The following RNF157 variants were observed in gnomAD, a reference collection of about 807,000 sequenced individuals.
RNF157 encodes the protein E3 ubiquitin ligase RNF157.
Under a neutral mutation model 88.3 loss-of-function variants are expected in RNF157, and 55 were observed. That is an observed-to-expected ratio of 0.62 (90% confidence interval 0.50 to 0.78). The LOEUF is 0.78. Among genes scored for constraint, RNF157 ranks in the 30% least tolerant of loss-of-function variants. The pLI, the probability that RNF157 is intolerant of heterozygous loss-of-function variation, is 0.00. For missense variants in RNF157, 788 were observed against 860.8 expected (o/e 0.92, Z 1.06); for synonymous variants, 334 against 341.2 (o/e 0.98, Z 0.23).
At chr17:76,192,395 C>T in intron 2 of RNF157, among the ~76,000 whole-genome samples, 1 of 152,180 alleles carries the variant, frequency 6.6e-6, no homozygotes, top group East Asian at 1.9e-4. Flanking sequence ...ATGTCCAAGT[C>T]TGATCTTCTC....
intron 1 of RNF157, among the ~76,000 whole-genome samples, chr17:76,220,741 C>T (rs1444471398): frequency 1.3e-5 from 2 of 151,976 alleles, no homozygotes; most frequent in Non-Finnish European, 1.5e-5. Context: ...GGGTGGATCA[C>T]GAGGTCAGGA....
intron 2 of RNF157, among the ~76,000 whole-genome samples, chr17:76,192,558 ATGGTGACTC>A (rs1568052422): frequency 9.2e-5 from 14 of 152,214 alleles, no homozygotes; most frequent in African/African-American, 2.9e-4. Flanking sequence ...GCATATGCCC[ATGGTGACTC>A]TTTAGATTTT....
chr17:76,197,012 A>G (rs1369781108), intron 2 of RNF157, among the ~76,000 whole-genome samples: 2 of 152,192 alleles, frequency 1.3e-5, no homozygotes, highest in East Asian at 3.8e-4. Context: ...AACAGCTTTC[A>G]CAAAGATCTC....
At chr17:76,191,123 G>C (rs991785797) in intron 2 of RNF157, among the ~76,000 whole-genome samples, 1 of 152,044 alleles carries the variant, frequency 6.6e-6, no homozygotes, top group African/African-American at 2.4e-5. Context: ...TATGGCTAAG[G>C]ACTACATTCT....
chr17:76,147,782 T>C (rs2068607835), intron 18 of RNF157, among the ~76,000 whole-genome samples: 2 of 152,234 alleles, frequency 1.3e-5, no homozygotes, highest in South Asian at 2.1e-4. Context: ...TGCCGCCATT[T>C]TGTCTGGCTG....
At chr17:76,220,098 C>T (rs1427820381) in intron 1 of RNF157, among the ~76,000 whole-genome samples, 3 of 152,016 alleles carry the variant, frequency 2.0e-5, no homozygotes, top group East Asian at 1.9e-4. Flanking sequence ...GAGGGGGTGC[C>T]GCTAGCATCC....
Position 76,155,732 on chromosome 17 carries a change from G to A in RNF157, c.1528C>T (p.Pro510Ser). 1.3e-6 allele frequency: 2 copies of A among 1,556,300 alleles called. No individual in the cohort carries two copies. The highest frequency in any genetic ancestry group is 1.7e-6 in the Non-Finnish European group (2 of 1,150,978). ...LSSTISSPEGPASSSLAQSVM... is the reference protein window; with the variant it reads ...LSSTISSPEGSASSSLAQSVM... ...GACTGGGCCAAGCTGCTGCTGGCAG[G>A]GCCTTTGGAGACAGGGGATGGGGAA... The change falls in exon 15 of 19, where the codon CCT becomes TCT. Residue 510 changes from proline (P) to serine (S), a missense_variant and splice_region_variant. Pro to Ser is a moderately conservative substitution (Grantham distance 74, BLOSUM62 -1). Transcript: ENST00000269391.
chr17:76,152,467 T>C lies in RNF157; in HGVS notation c.1811-2A>G, dbSNP rs199996462. 360 of 1,595,040 alleles carry C rather than the reference T, an allele frequency of 2.3e-4. No individual in the cohort carries two copies. Among genetic ancestry groups the C allele is most frequent in the Non-Finnish European group, 3.0e-4 (350 of 1,162,736 alleles). On this transcript the variant is annotated splice_acceptor_variant, in intron 17 of 18. Transcript: ENST00000269391. LOFTEE classifies it high-confidence loss of function. ...CTAGAAATGCGCACGTCCTCTGGCC[T>C]GTAACGGAGTTAATGCAGTTAGAGA...
chr17:76,164,635 A>G, intron 8 of RNF157, 113 bp downstream of exon 8: 1 of 524,274 alleles, frequency 1.9e-6, no homozygotes, highest in Non-Finnish European at 3.2e-6. Flanking sequence ...GAGGAAAAGG[A>G]GAGAGCAAAA....
intron 2 of RNF157, among the ~76,000 whole-genome samples, chr17:76,193,689 C>T (rs1007975384): frequency 6.6e-6 from 1 of 152,234 alleles, no homozygotes; most frequent in Admixed American, 6.5e-5. Flanking sequence ...CTGTTGTGAC[C>T]CTGACTGTCT....
chr17:76,240,117 TC>T lies in RNF157; in HGVS notation c.88+35del. On this transcript the variant is annotated intron_variant, in intron 1 of 18. Coordinates refer to ENST00000269391, the MANE Select transcript of RNF157 (RefSeq NM_052916.3). The surrounding 1 kb of genome is among the most constrained non-coding windows in gnomAD (Gnocchi z 4.4). ...ACCCAGACCCCTGCCCCTGCCCCTC[TC>T]CCTCCTCGCGGCTGCGGCGCCCGCC... 8.1e-7 allele frequency: 1 copy of T among 1,230,062 alleles called. No individual in the cohort carries two copies. Among genetic ancestry groups the T allele is most frequent in the South Asian group, 3.0e-5 (1 of 33,388 alleles). 76.2% of individuals were successfully genotyped at this position (1,230,062 alleles called of 1,614,324 possible). A position where few individuals can be genotyped will look rare whatever the true frequency, so the allele number is the denominator to read the frequency against.
chr17:76,220,220 C>T (rs1770563158), intron 1 of RNF157, among the ~76,000 whole-genome samples: 2 of 151,886 alleles, frequency 1.3e-5, no homozygotes, highest in South Asian at 2.1e-4. Context: ...AACATCTTGT[C>T]ATACCAGATA....
rs55760274 is a variant in RNF157 at position 76,168,428 on chromosome 17, AT to A, written c.297-632del. On this transcript the variant is annotated intron_variant, in intron 3 of 18. Coordinates refer to ENST00000269391, the MANE Select transcript of RNF157 (RefSeq NM_052916.3). Reference sequence around the variant, plus strand: ...ATAACTTTTTCTTAGTGCTCATCCTATTTTTTTTTTTTTCTTCCAGTTGCGT... The same window carrying A: ...ATAACTTTTTCTTAGTGCTCATCCTATTTTTTTTTTTTCTTCCAGTTGCGT... 3.3e-3 allele frequency among the ~76,000 whole-genome samples: 472 copies of A among 141,724 alleles called. 3 individuals are homozygous for A. Among genetic ancestry groups the A allele is most frequent in the Middle Eastern group, 7.2e-3 (2 of 278 alleles). 93.0% of individuals were successfully genotyped at this position (141,724 alleles called of 152,430 possible).
intron 2 of RNF157, among the ~76,000 whole-genome samples, chr17:76,187,472 C>A (rs780098178): frequency 6.6e-6 from 1 of 152,144 alleles, no homozygotes; most frequent in East Asian, 1.9e-4. Flanking sequence ...GCATGAGCCA[C>A]GGCGTCTGGC....
chr17:76,234,427 C>T (rs2070247027), intron 1 of RNF157, among the ~76,000 whole-genome samples: 1 of 152,054 alleles, frequency 6.6e-6, no homozygotes, highest in Non-Finnish European at 1.5e-5. Context: ...AGTAACTAGC[C>T]ATCTGAGAAA....
intron 1 of RNF157, among the ~76,000 whole-genome samples, chr17:76,213,786 T>G (rs1284696358): frequency 6.6e-6 from 1 of 152,078 alleles, no homozygotes; most frequent in Admixed American, 6.6e-5. Flanking sequence ...AAGTTGATCA[T>G]CAATGTCCAA....
At chr17:76,167,547 C>A in intron 4 of RNF157, 104 bp downstream of exon 4, 2 of 1,517,220 alleles carry the variant, frequency 1.3e-6, no homozygotes, top group Non-Finnish European at 9.0e-7. Context: ...AAGGAAGTGG[C>A]TCGCCTGGTC....
intron 1 of RNF157, among the ~76,000 whole-genome samples, chr17:76,239,449 C>T (rs1324634125): frequency 6.6e-6 from 1 of 152,150 alleles, no homozygotes; most frequent in African/African-American, 2.4e-5. Flanking sequence ...CACTCCAAAA[C>T]CCAGGCTTGC....
chr17:76,164,560 A>T, intron 8 of RNF157, 188 bp downstream of exon 8: 16 of 394,380 alleles, frequency 4.1e-5, no homozygotes, highest in Non-Finnish European at 5.8e-5. Context: ...AGTCGTTTGT[A>T]ATAGCTTGTA....
Sources: allele counts gnomAD v4.1 joint callset (sites outside exome capture counted in the v4.1 genomes callset), GRCh38; gene constraint gnomAD v4.1.1; non-coding constraint Gnocchi (gnomAD v3.1); transcripts MANE v1.5; gene names NCBI Gene and HGNC (gene_info 2026-07-23, HGNC 2026-07-21).